Variants in SLC12A9 observed in about 807,000 individuals in gnomAD.
The protein encoded by SLC12A9 is solute carrier family 12 member 9, also known as CCC-interacting protein 1.
SLC12A9 carries 55 observed loss-of-function variants against 66.0 expected under a neutral mutation model. The ratio of observed to expected loss-of-function variants is 0.83; its 90% CI spans 0.67 to 1.04. SLC12A9 has a LOEUF of 1.04. Among genes scored for constraint, SLC12A9 ranks in the 50% least tolerant of loss-of-function variants. SLC12A9 has a pLI of 0.00. For synonymous variants in SLC12A9, 577 were observed against 569.0 expected (o/e 1.01, Z -0.20); for missense variants, 1,061 against 1,241.9 (o/e 0.85, Z 2.19).
At chr7:100,863,673 G>C (rs1454066018) in intron 13 of SLC12A9, among the ~76,000 whole-genome samples, 1 of 152,222 alleles carries the variant, frequency 6.6e-6, no homozygotes, top group African/African-American at 2.4e-5. Context: ...GGACGTCTGT[G>C]GATGGAGCGG....
At chr7:100,851,754 G>GCA (rs1053181694), upstream of SLC12A9, among the ~76,000 whole-genome samples, 2 of 124,310 alleles carry the variant, frequency 1.6e-5, no homozygotes, top group Non-Finnish European at 3.2e-5. Context: ...TCGCGCCACT[G>GCA]CACTCCAGCC....
At position 100,861,930 on chromosome 7, in the gene SLC12A9, C is replaced by T. The variant is rs752428233; in HGVS notation, c.1711+19C>T. The T allele has an allele frequency of 1.5e-5, 23 of 1,561,540 alleles. 1 individual carries two copies. The South Asian group carries it at 2.7e-4, about 18-fold the overall frequency. ...GACCTCGGTGAGCTGCCCTCCCACT[C>T]ACTCACTCACTCCCATCCTTCTCTC... On this transcript the variant is annotated intron_variant, in intron 12 of 13. Transcript: ENST00000354161. This position sits in a 1 kb window ranked among gnomAD's most constrained non-coding sequence, Gnocchi z 5.3.
intron 1 of SLC12A9, among the ~76,000 whole-genome samples, chr7:100,836,673 T>G (rs890426331): frequency 2.6e-5 from 4 of 152,116 alleles, no homozygotes; most frequent in Non-Finnish European, 5.9e-5. Flanking sequence ...TGGGCCGTTT[T>G]GCCCCATCAG....
At chr7:100,863,842 A>G (rs1584709848) in intron 13 of SLC12A9, among the ~76,000 whole-genome samples, 1 of 152,214 alleles carries the variant, frequency 6.6e-6, no homozygotes, top group African/African-American at 2.4e-5. Flanking sequence ...TGCCCAGTTC[A>G]GTGTAAATCA....
intron 1 of SLC12A9, among the ~76,000 whole-genome samples, chr7:100,830,496 A>C (rs1392715884): frequency 6.6e-6 from 1 of 152,046 alleles, no homozygotes; most frequent in Non-Finnish European, 1.5e-5. Context: ...CAACATAGCG[A>C]GACCCTGTCT....
chr7:100,845,302 C>T (rs1438170461), intron 1 of SLC12A9, among the ~76,000 whole-genome samples: 1 of 150,172 alleles, frequency 6.7e-6, no homozygotes, highest in African/African-American at 2.5e-5. Context: ...CGCTAGGCTG[C>T]CTGACCAGCA....
chr7:100,841,583 C>T (rs988218218), intron 1 of SLC12A9, among the ~76,000 whole-genome samples: 7 of 152,204 alleles, frequency 4.6e-5, no homozygotes, highest in Admixed American at 2.0e-4. Flanking sequence ...AAAGCACCAA[C>T]CTGCTCTTTA....
At position 100,859,179 on chromosome 7, in the gene SLC12A9, G is replaced by T. The variant is rs774381590; in HGVS notation, c.977+18G>T. On this transcript the variant is annotated intron_variant, in intron 7 of 13. Coordinates refer to ENST00000354161, the MANE Select transcript of SLC12A9 (RefSeq NM_020246.4). ...TGTGACAGGTGTCTGGGGAGGGATG[G>T]GGGTGGAGTGTCGAACAAGATTGGT... The T allele has an allele frequency of 1.2e-6, 2 of 1,608,898 alleles. No homozygotes were observed. The highest frequency in any genetic ancestry group is 2.2e-5 in the South Asian group (2 of 90,978).
At chr7:100,834,022 C>T (rs539184963) in intron 1 of SLC12A9, among the ~76,000 whole-genome samples, 21 of 144,458 alleles carry the variant, frequency 1.5e-4, no homozygotes, top group Non-Finnish European at 2.7e-4. Context: ...CAGGATTAGA[C>T]AAGTCAGGGG....
rs764349817 is a variant in SLC12A9 at position 100,862,788 on chromosome 7, C to T, written c.1819C>T (p.Arg607Cys). The change falls in exon 13 of 14, where the codon CGC becomes TGC. Residue 607 changes from arginine to cysteine, a missense_variant. Coordinates refer to ENST00000354161, the MANE Select transcript of SLC12A9 (RefSeq NM_020246.4). ...GGATCTAACCCTCTCACCCTCCGTGCGCCAGGGGGCTCAGCATCTGCTGCG... is the reference window on the plus strand; with the variant it reads ...GGATCTAACCCTCTCACCCTCCGTGTGCCAGGGGGCTCAGCATCTGCTGCG... ...FVDLTLSPSV[R>C]QGAQHLLRIS... The T allele has an allele frequency of 1.5e-5, 24 of 1,614,164 alleles. No homozygotes were observed. Among genetic ancestry groups the T allele is most frequent in the Admixed American group, 5.0e-5 (3 of 60,018 alleles).
chr7:100,851,034 T>A (rs1814060097), upstream of SLC12A9, among the ~76,000 whole-genome samples: 1 of 151,508 alleles, frequency 6.6e-6, no homozygotes, highest in Non-Finnish European at 1.5e-5. Flanking sequence ...TTAAAAAAAA[T>A]TTTGTAGAGA....
intron 4 of SLC12A9, 105 bp from the exon 5 acceptor site, chr7:100,856,763 C>T (rs1177169452): frequency 2.2e-5 from 25 of 1,144,678 alleles, no homozygotes; most frequent in South Asian, 6.0e-5. Context: ...CCTCCCACCT[C>T]GGCCTCCCAA....
rs79055448 is a variant in SLC12A9 at position 100,855,651 on chromosome 7, C to A, written c.317-55C>A. 5.9e-3 allele frequency: 9,585 copies of A among 1,611,100 alleles called. 62 individuals carry two copies. The highest frequency in any genetic ancestry group is 5.9e-3 in the Non-Finnish European group (6,959 of 1,178,202). ...TCAGTGCTTGGAGCTATGGCAACTT[C>A]CTCACGTCCATTTCAGTCTTTTCCC... On this transcript the variant is annotated intron_variant, in intron 3 of 13. Coordinates refer to ENST00000354161, the MANE Select transcript of SLC12A9 (RefSeq NM_020246.4).
chr7:100,838,923 T>C (rs1264532878), intron 1 of SLC12A9, among the ~76,000 whole-genome samples: 1 of 152,148 alleles, frequency 6.6e-6, no homozygotes, highest in Non-Finnish European at 1.5e-5. Flanking sequence ...TCCTGTTTTG[T>C]TCCGATCTAA....
intron 1 of SLC12A9, among the ~76,000 whole-genome samples, chr7:100,828,290 G>A (rs553925787): frequency 2.6e-4 from 39 of 151,976 alleles, no homozygotes; most frequent in African/African-American, 9.2e-4. Flanking sequence ...TGTAGTCCCA[G>A]CATTTTGGGA....
At chr7:100,843,089 G>C (rs773113144) in intron 1 of SLC12A9, among the ~76,000 whole-genome samples, 5 of 152,246 alleles carry the variant, frequency 3.3e-5, no homozygotes, top group Admixed American at 6.5e-5. Context: ...TCCCTGAGCG[G>C]ATGTGTGGTG....
chr7:100,843,562 G>A (rs1175733527), intron 1 of SLC12A9, among the ~76,000 whole-genome samples: 1 of 152,200 alleles, frequency 6.6e-6, no homozygotes, highest in Non-Finnish European at 1.5e-5. Context: ...CAAGGCCAGT[G>A]GCCTATCTCT....
At chr7:100,846,772 C>A (rs1813926358) in intron 1 of SLC12A9, among the ~76,000 whole-genome samples, 2 of 152,014 alleles carry the variant, frequency 1.3e-5, no homozygotes. Flanking sequence ...ATTTCTGCCT[C>A]CAAAGAAAGA....
intron 9 of SLC12A9, chr7:100,860,799 C>G: frequency 2.5e-6 from 1 of 406,080 alleles, no homozygotes; most frequent in African/African-American, 2.2e-5. Context: ...TGGCACTTTG[C>G]ATGGTTCACT....
Sources: allele counts gnomAD v4.1 joint callset (sites outside exome capture counted in the v4.1 genomes callset), GRCh38; gene constraint gnomAD v4.1.1; non-coding constraint Gnocchi (gnomAD v3.1); transcripts MANE v1.5; gene names NCBI Gene and HGNC (gene_info 2026-07-23, HGNC 2026-07-21).